The following ARHGAP39 variants were observed in gnomAD, a reference collection of about 807,000 sequenced individuals.
ARHGAP39 encodes the protein rho GTPase-activating protein 39.
ARHGAP39 carries 44 observed loss-of-function variants against 106.9 expected under a neutral mutation model. The ratio of observed to expected loss-of-function variants is 0.41; its 90% CI spans 0.32 to 0.53. The LOEUF is 0.53. Among genes scored for constraint, ARHGAP39 ranks in the 20% least tolerant of loss-of-function variants. The pLI is 0.21. For synonymous variants in ARHGAP39, 768 were observed against 693.2 expected (o/e 1.11, Z -1.69); for missense variants, 1,496 against 1,577.3 (o/e 0.95, Z 0.87).
rs143245385 is a variant in ARHGAP39 at position 144,530,787 on chromosome 8, T to C, written c.3065A>G (p.Asp1022Gly). 1 of 1,611,708 alleles carries C rather than the reference T, an allele frequency of 6.2e-7. No individual in the cohort carries two copies. The highest frequency in any genetic ancestry group is 1.3e-5 in the African/African-American group (1 of 74,908). Residue 1022 changes from aspartate to glycine, a missense_variant, in exon 11 of 12, where the codon GAC becomes GGC. Asp to Gly is a moderately conservative substitution (Grantham distance 94, BLOSUM62 -1). Coordinates refer to ENST00000377307, the MANE Select transcript of ARHGAP39 (RefSeq NM_025251.3). ...EFYEQCIAHY[D>G]SPEAAVAVVH... ...CACGGCCACCGCCGCCTCGGGGCTG[T>C]CGTAGTGCGCGATGCACTGCTCGTA... is the stretch of plus-strand genomic sequence containing the variant.
intron 4 of ARHGAP39, among the ~76,000 whole-genome samples, chr8:144,554,212 G>C (rs1281752462): frequency 6.6e-6 from 1 of 152,224 alleles, no homozygotes; most frequent in East Asian, 1.9e-4. Flanking sequence ...GTCAGCTCGT[G>C]GGGCCAGAGG....
rs1239641747 is a variant in ARHGAP39 at position 144,555,595 on chromosome 8, C to T, written c.561G>A (p.Arg187=). The T allele has an allele frequency of 3.7e-6, 6 of 1,613,944 alleles. No homozygotes were observed. The African/African-American group carries it at 6.7e-5, about 18-fold the overall frequency. The stretch of plus-strand genomic sequence containing the variant: ...GAAGCTGGCCGTCCGCACTGTAATC[C>T]CGGTAAATCTCATAGTCCTTCTCAA... ...VFLEKDYEIY[R]DYSADGQLLH... is the part of the protein sequence containing the mutation. The change falls in exon 4 of 12, where the codon CGG becomes CGA. Residue 187 remains arginine, a synonymous_variant. Transcript: ENST00000377307.
At chr8:144,607,489 C>T (rs911642833) in intron 1 of ARHGAP39, among the ~76,000 whole-genome samples, 4 of 152,200 alleles carry the variant, frequency 2.6e-5, no homozygotes, top group Non-Finnish European at 4.4e-5. Context: ...AACAGTCTGC[C>T]GAACCGTGGT....
chr8:144,602,027 G>C (rs746639623), intron 2 of ARHGAP39, among the ~76,000 whole-genome samples: 6 of 141,222 alleles, frequency 4.2e-5, no homozygotes, highest in Admixed American at 7.2e-5. Context: ...GCGTGTGTGT[G>C]CTCGTGAACC....
At chr8:144,589,239 A>C (rs1819299850) in intron 2 of ARHGAP39, among the ~76,000 whole-genome samples, 1 of 152,248 alleles carries the variant, frequency 6.6e-6, no homozygotes, top group African/African-American at 2.4e-5. Flanking sequence ...TGCTTAAAAA[A>C]AGTAAGTAGT....
intron 3 of ARHGAP39, among the ~76,000 whole-genome samples, chr8:144,562,529 GACTCCAGTGGTTTCCATCAC>G (rs1347265185): frequency 2.5e-3 from 304 of 123,264 alleles, no homozygotes; most frequent in Non-Finnish European, 3.7e-3. Context: ...GTTTCCATCG[GACTCCAGTGGTTTCCATCAC>G]ACTCCAGTGG....
At chr8:144,675,399 G>A (rs866163518) in intron 1 of ARHGAP39, among the ~76,000 whole-genome samples, 14 of 152,334 alleles carry the variant, frequency 9.2e-5, no homozygotes, top group Admixed American at 4.6e-4. Flanking sequence ...GGACCCTCGC[G>A]GTGAGTGTTA....
rs953431926 is a variant in ARHGAP39 at position 144,647,093 on chromosome 8, C to T, written c.-82+38593G>A. Among the ~76,000 whole-genome samples, 16 of 151,892 alleles carry T rather than the reference C, an allele frequency of 1.1e-4. No homozygotes were observed. Among genetic ancestry groups the T allele is most frequent in the South Asian group, 6.2e-4 (3 of 4,812 alleles). On this transcript the variant is annotated intron_variant, in intron 1 of 11. Transcript: ENST00000377307. This position sits in a 1 kb window ranked among gnomAD's most constrained non-coding sequence, Gnocchi z 4.8. ...ACACCATTCTCCTGCCTCAGCCTCC[C>T]GAGTAGCTGGGACTACAGCCACCCG...
chr8:144,595,879 A>G (rs1168378914), intron 2 of ARHGAP39, among the ~76,000 whole-genome samples: 1 of 151,270 alleles, frequency 6.6e-6, no homozygotes, highest in Non-Finnish European at 1.5e-5. Context: ...TCTTCCCATC[A>G]CCCCTCCCTG....
chr8:144,540,078 T>C (rs1005169777), intron 6 of ARHGAP39, among the ~76,000 whole-genome samples: 1 of 152,250 alleles, frequency 6.6e-6, no homozygotes, highest in Admixed American at 6.5e-5. Context: ...CAGTTTTTAC[T>C]GTACAGGTCT....
chr8:144,534,450 C>A (rs1586872783), intron 7 of ARHGAP39, among the ~76,000 whole-genome samples: 1 of 152,342 alleles, frequency 6.6e-6, no homozygotes, highest in Non-Finnish European at 1.5e-5. Context: ...GCTCCACCTG[C>A]CCTCCTACGG....
At chr8:144,555,079 TGCCCGCCCAGCGTGAAGG>T (rs1454321307) in intron 4 of ARHGAP39, among the ~76,000 whole-genome samples, 8 of 152,248 alleles carry the variant, frequency 5.3e-5, no homozygotes, top group African/African-American at 1.9e-4. Context: ...GGGAGCGTCC[TGCCCGCCCAGCGTGAAGG>T]CAGTAGGGTC....
At chr8:144,566,033 G>A (rs1005892080) in intron 3 of ARHGAP39, among the ~76,000 whole-genome samples, 12 of 151,248 alleles carry the variant, frequency 7.9e-5, no homozygotes, top group African/African-American at 2.4e-4. Context: ...GGTTGACGCC[G>A]CCATCATCTG....
intron 2 of ARHGAP39, among the ~76,000 whole-genome samples, chr8:144,583,642 C>T (rs999882609): frequency 6.6e-6 from 1 of 152,216 alleles, no homozygotes. Context: ...GCCAGCACAC[C>T]GTCACCCTTG....
intron 1 of ARHGAP39, among the ~76,000 whole-genome samples, chr8:144,620,177 C>A (rs1188082793): frequency 7.9e-6 from 1 of 125,950 alleles, no homozygotes; most frequent in East Asian, 2.7e-4. Flanking sequence ...GCTTGTGTGT[C>A]CCTGAGAGAG....
chr8:144,533,082 A>G (rs766136467), intron 9 of ARHGAP39, 44 bp downstream of exon 9: 5 of 1,577,394 alleles, frequency 3.2e-6, no homozygotes, highest in African/African-American at 2.7e-5. Flanking sequence ...TGGTGGACAC[A>G]TGGCTGTGGC....
intron 10 of ARHGAP39, 25 bp from the exon 11 acceptor site, chr8:144,530,896 C>T (rs773151166): frequency 2.6e-5 from 41 of 1,587,416 alleles, no homozygotes; most frequent in Middle Eastern, 2.2e-4. Context: ...CGGGGCTCAG[C>T]GGCCCTGCTC....
chr8:144,638,678 CTT>C (rs145436747), intron 1 of ARHGAP39, among the ~76,000 whole-genome samples: 1,614 of 152,326 alleles, frequency 0.011, 23 homozygotes, highest in African/African-American at 0.037. Flanking sequence ...CTGCTGATCT[CTT>C]GTTTTCTGCT....
chr8:144,686,779 C>T (rs1181833474), upstream of ARHGAP39, among the ~76,000 whole-genome samples: 1 of 152,242 alleles, frequency 6.6e-6, no homozygotes, highest in African/African-American at 2.4e-5. Context: ...CCACTGTATT[C>T]ACTTAGAAAA....
Sources: gnomAD v4.1 joint callset for allele counts (sites outside exome capture counted in the v4.1 genomes callset) on GRCh38, gnomAD v4.1.1 for gene constraint, Gnocchi (gnomAD v3.1) non-coding constraint, MANE v1.5 for transcripts, NCBI Gene and HGNC (gene_info 2026-07-23, HGNC 2026-07-21) for gene names.